GPC6: variants seen among roughly 807,000 people sequenced by gnomAD.
The protein encoded by GPC6 is glypican 6, also known as glypican-6.
A neutral mutation model predicts 55.2 loss-of-function variants in GPC6; 14 were observed. The ratio of observed to expected loss-of-function variants is 0.25; its 90% CI spans 0.17 to 0.40. The LOEUF (loss-of-function observed/expected upper bound fraction) is 0.40, where lower values mean the gene tolerates loss of function less well. Ranked by LOEUF, GPC6 falls within the 10% of genes least tolerant of loss-of-function variation. The pLI is 1.00. For synonymous variants in GPC6, 278 were observed against 259.6 expected, an observed-to-expected ratio of 1.07 and a Z score of -0.68; for missense variants, 641 against 708.5, an observed-to-expected ratio of 0.90 and a Z score of 1.08.
chr13:93,628,965 G>A (rs1879317103), intron 2 of GPC6, among the ~76,000 whole-genome samples: 1 of 148,338 alleles, frequency 6.7e-6, no homozygotes, highest in South Asian at 2.1e-4. Flanking sequence ...ATTTTGAAAT[G>A]TTTTCCCTTC....
intron 4 of GPC6, among the ~76,000 whole-genome samples, chr13:94,175,540 A>G (rs1405944597): frequency 6.6e-6 from 1 of 152,122 alleles, no homozygotes; most frequent in East Asian, 1.9e-4. Context: ...TTACCAGGTC[A>G]TGGAATTGGT....
At chr13:93,538,928 CTT>C (rs112356644) in intron 1 of GPC6, among the ~76,000 whole-genome samples, 47 of 145,996 alleles carry the variant, frequency 3.2e-4, no homozygotes, top group East Asian at 2.2e-3. Flanking sequence ...TTACAATATT[CTT>C]TTTTTTTTTT....
chr13:93,989,607 A>G (rs1270595848), intron 3 of GPC6, among the ~76,000 whole-genome samples: 3 of 152,070 alleles, frequency 2.0e-5, no homozygotes, highest in African/African-American at 4.8e-5. Flanking sequence ...TGGTGTGGAG[A>G]TAGGGGGAGA....
chr13:94,212,144 T>C (rs2138990159), intron 4 of GPC6, among the ~76,000 whole-genome samples: 1 of 152,320 alleles, frequency 6.6e-6, no homozygotes, highest in South Asian at 2.1e-4. Flanking sequence ...AAATTGACAT[T>C]AATATCATAG....
At chr13:94,294,256 ATTGG>A (rs1279076202) in intron 5 of GPC6, among the ~76,000 whole-genome samples, 1 of 152,142 alleles carries the variant, frequency 6.6e-6, no homozygotes, top group Non-Finnish European at 1.5e-5. Context: ...CTAGGAAAAG[ATTGG>A]TTTGTCAGAG....
At chr13:93,714,278 A>T (rs532144664) in intron 2 of GPC6, among the ~76,000 whole-genome samples, 1 of 151,978 alleles carries the variant, frequency 6.6e-6, no homozygotes, top group Non-Finnish European at 1.5e-5. Context: ...AGCAAAACAC[A>T]TGAACAGACA....
intron 6 of GPC6, among the ~76,000 whole-genome samples, chr13:94,328,994 T>C (rs2139139370): frequency 6.6e-6 from 1 of 152,254 alleles, no homozygotes; most frequent in Non-Finnish European, 1.5e-5. Flanking sequence ...GACCAATGGG[T>C]CCCCATCAAC....
chr13:93,230,470 A>G (rs1202889129), intron 1 of GPC6, among the ~76,000 whole-genome samples: 1 of 152,152 alleles, frequency 6.6e-6, no homozygotes, highest in Non-Finnish European at 1.5e-5. Context: ...AAACCATGGC[A>G]AGGAGATCAG....
intron 2 of GPC6, among the ~76,000 whole-genome samples, chr13:93,579,117 A>G (rs1195965940): frequency 6.6e-6 from 1 of 152,116 alleles, no homozygotes; most frequent in Non-Finnish European, 1.5e-5. Context: ...AGAGGAATTG[A>G]AAAGAGGTTA....
chr13:93,978,669 G>A (rs1052284077), intron 3 of GPC6, among the ~76,000 whole-genome samples: 2 of 151,968 alleles, frequency 1.3e-5, no homozygotes, highest in African/African-American at 4.8e-5. Context: ...ATCCTTCAAT[G>A]TGAGGTTTTT....
chr13:93,378,954 C>T (rs1187175413), intron 1 of GPC6, among the ~76,000 whole-genome samples: 1 of 149,660 alleles, frequency 6.7e-6, no homozygotes, highest in South Asian at 2.1e-4. Context: ...GAGATCATGC[C>T]ATTGCACTCC....
At chr13:94,060,582 T>G (rs1884285128) in intron 4 of GPC6, among the ~76,000 whole-genome samples, 1 of 152,198 alleles carries the variant, frequency 6.6e-6, no homozygotes, top group South Asian at 2.1e-4. Context: ...GTATGTACTT[T>G]AGTAGTAGTT....
intron 3 of GPC6, among the ~76,000 whole-genome samples, chr13:93,849,456 A>C (rs1484051576): frequency 1.3e-5 from 2 of 152,118 alleles, no homozygotes. Context: ...TTGTAGATGA[A>C]TGAAAGATGA....
intron 3 of GPC6, among the ~76,000 whole-genome samples, chr13:93,833,107 T>TAGAGAGAGAGAGAG (rs367949345): frequency 1.6e-4 from 17 of 109,072 alleles, no homozygotes; most frequent in East Asian, 1.0e-3. Context: ...AGGTAGATGA[T>TAGAGAGAGAGAGAG]AGAGAGAGAG....
chr13:93,579,456 G>A (rs941834402), intron 2 of GPC6, among the ~76,000 whole-genome samples: 1 of 151,886 alleles, frequency 6.6e-6, no homozygotes, highest in Non-Finnish European at 1.5e-5. Context: ...GAAAAAGGAG[G>A]AGGAGAAGGT....
At chr13:93,757,838 G>A (rs964569932) in intron 2 of GPC6, among the ~76,000 whole-genome samples, 4 of 152,028 alleles carry the variant, frequency 2.6e-5, no homozygotes, top group Non-Finnish European at 5.9e-5. Context: ...GGATAAGCTG[G>A]GTTCAGAAAG....
chr13:93,724,441 A>C (rs942833152), intron 2 of GPC6, among the ~76,000 whole-genome samples: 1 of 151,990 alleles, frequency 6.6e-6, no homozygotes, highest in Non-Finnish European at 1.5e-5. Flanking sequence ...TCTATCTTAT[A>C]CTTTCTCGTG....
chr13:94,373,069 A>AC (rs1211286988), intron 6 of GPC6, among the ~76,000 whole-genome samples: 1 of 152,226 alleles, frequency 6.6e-6, no homozygotes, highest in Non-Finnish European at 1.5e-5. Context: ...TCTGTACATC[A>AC]CCATCATCAA....
chr13:93,829,673 A>G (rs1298344983), intron 2 of GPC6, among the ~76,000 whole-genome samples: 1 of 152,252 alleles, frequency 6.6e-6, no homozygotes, highest in African/African-American at 2.4e-5. Flanking sequence ...AGAGTCTAAA[A>G]TATGACATTA....
Sources: allele counts gnomAD v4.1 joint callset (sites outside exome capture counted in the v4.1 genomes callset), GRCh38; gene constraint gnomAD v4.1.1; transcripts MANE v1.5; gene names NCBI Gene and HGNC (gene_info 2026-07-23, HGNC 2026-07-21).